The following SLC35E2B variants were observed in gnomAD, a reference collection of about 807,000 sequenced individuals.
SLC35E2B encodes the protein solute carrier family 35, member E2B.
Under a neutral mutation model 32.4 loss-of-function variants are expected in SLC35E2B, and 18 were observed. That is an observed-to-expected ratio of 0.56 (90% CI 0.38 to 0.82). The LOEUF is 0.82. SLC35E2B is among the 40% of genes least tolerant of loss of function. The pLI, the probability that SLC35E2B is intolerant of heterozygous loss-of-function variation, is 0.00. For missense variants in SLC35E2B, 263 were observed against 469.5 expected (o/e 0.56, Z 4.06); for synonymous variants, 132 against 209.1 (o/e 0.63, Z 3.18).
At position 1,665,881 on chromosome 1, in the gene SLC35E2B, G is replaced by T. The variant is rs780556613; in HGVS notation, c.1119C>A (p.His373Gln). Reference sequence around the variant, plus strand: ...CCAGGCTCTGCAGCGCCTCCTGCTGGTGTTGCCTGGCTTTGTTGTAGAGCA... The same window carrying T: ...CCAGGCTCTGCAGCGCCTCCTGCTGTTGTTGCCTGGCTTTGTTGTAGAGCA... Reference protein sequence around the residue: ...GVLLYNKARQHQQEALQSLAA... With the variant: ...GVLLYNKARQQQQEALQSLAA... Residue 373 changes from histidine to glutamine, a missense_variant, in exon 10 of 10, where the codon CAC becomes CAA. This residue lies in a region of SLC35E2B where 78 missense variants were observed against 71.1 expected (regional missense o/e 1.10). Transcript: ENST00000617444. The T allele has an allele frequency of 1.3e-6, 2 of 1,551,148 alleles. No homozygotes were observed. Among genetic ancestry groups the T allele is most frequent in the Non-Finnish European group, 1.7e-6 (2 of 1,146,984 alleles).
intron 2 of SLC35E2B, among the ~76,000 whole-genome samples, chr1:1,683,525 G>A (rs922868146): frequency 3.3e-5 from 5 of 152,116 alleles, no homozygotes; most frequent in African/African-American, 4.8e-5. Flanking sequence ...CTCTCTGGGC[G>A]CCACCCCCTG....
chr1:1,669,559 C>T, intron 8 of SLC35E2B, 105 bp downstream of exon 8: 2 of 1,228,834 alleles, frequency 1.6e-6, no homozygotes, highest in South Asian at 3.2e-5. Flanking sequence ...GGAGCTGGGC[C>T]CAACCAGCCA....
intron 7 of SLC35E2B, 134 bp downstream of exon 7, chr1:1,669,964 G>A: frequency 1.1e-6 from 1 of 914,952 alleles, no homozygotes; most frequent in Non-Finnish European, 1.7e-6. Flanking sequence ...CCCGAGCTTA[G>A]ACAGGGTACT....
At position 1,665,863 on chromosome 1, in the gene SLC35E2B, C is replaced by T. The variant is rs1419245063; in HGVS notation, c.1137G>A (p.Gln379=). ...CCCGGCCAGTGGCTGCAGCCAGGCTCTGCAGCGCCTCCTGCTGGTGTTGCC... is the reference window on the plus strand; with the variant it reads ...CCCGGCCAGTGGCTGCAGCCAGGCTTTGCAGCGCCTCCTGCTGGTGTTGCC... ...KARQHQQEAL[Q]SLAAATGRAP... The change falls in exon 10 of 10, where the codon CAG becomes CAA. Residue 379 remains glutamine, a synonymous_variant. Coordinates refer to ENST00000617444, the MANE Select transcript of SLC35E2B (RefSeq NM_001290264.2). The T allele has an allele frequency of 5.2e-6, 8 of 1,550,886 alleles. No individual in the cohort carries two copies. Among genetic ancestry groups the T allele is most frequent in the Non-Finnish European group, 7.0e-6 (8 of 1,146,996 alleles).
intron 6 of SLC35E2B, chr1:1,670,622 C>G (rs1216051377): frequency 6.5e-6 from 1 of 154,478 alleles, no homozygotes; most frequent in Non-Finnish European, 1.4e-5. Flanking sequence ...GGGGTTTCAC[C>G]ATGTTAGCCA....
Position 1,665,823 on chromosome 1 carries a change from CTG to C in SLC35E2B, c.1175_1176del (p.Thr392SerfsTer26), listed in dbSNP as rs1283842039. The C allele has an allele frequency of 3.2e-6, 5 of 1,550,978 alleles. No homozygotes were observed. In the South Asian group the frequency reaches 4.8e-5, roughly 15 times the overall value. On this transcript the variant is annotated frameshift_variant, in exon 10 of 10. Coordinates refer to ENST00000617444, the MANE Select transcript of SLC35E2B (RefSeq NM_001290264.2). LOFTEE classifies it high-confidence loss of function. ...AAATGRAPDD[T>X]VEPLLPQDPR... ...GGGTCCTGTGGAAGCAGCGGCTCCA[CTG>C]TGTCGTCTGGGGCCCGGCCAGTGGC... is the stretch of plus-strand genomic sequence containing the variant.
At chr1:1,678,832 A>G (rs1222514860) in intron 2 of SLC35E2B, among the ~76,000 whole-genome samples, 1 of 152,116 alleles carries the variant, frequency 6.6e-6, no homozygotes, top group South Asian at 2.1e-4. Context: ...CTGGGCCCTG[A>G]GCCAGGGAGC....
chr1:1,680,037 G>A (rs1014316002), intron 2 of SLC35E2B, among the ~76,000 whole-genome samples: 1 of 151,896 alleles, frequency 6.6e-6, no homozygotes, highest in Non-Finnish European at 1.5e-5. Flanking sequence ...TGAGGCAGGA[G>A]AATCGCTTGA....
chr1:1,667,965 G>A (rs566982992), intron 9 of SLC35E2B, among the ~76,000 whole-genome samples: 1 of 151,136 alleles, frequency 6.6e-6, no homozygotes, highest in African/African-American at 2.4e-5. Context: ...TGATTCTCCT[G>A]CCTCAGCCTC....
intron 2 of SLC35E2B, among the ~76,000 whole-genome samples, chr1:1,688,280 A>C (rs1374127918): frequency 6.6e-6 from 1 of 151,876 alleles, no homozygotes; most frequent in African/African-American, 2.4e-5. Context: ...CACAATCACG[A>C]CGAGTCACCA....
At position 1,663,274 on chromosome 1, in the gene SLC35E2B, A is replaced by C; in HGVS notation, c.*2508T>G. The C allele has an allele frequency of 2.0e-6, 2 of 981,052 alleles. No homozygotes were observed. Among genetic ancestry groups the C allele is most frequent in the Non-Finnish European group, 2.4e-6 (2 of 827,048 alleles). 60.8% of individuals were successfully genotyped at this position (981,052 alleles called of 1,614,324 possible). ...GCAGCTCCTTGTGAGGGTGGAGGGG[A>C]GGGCACCAGATGCTGTGCGGCTGGA... On this transcript the variant is annotated 3_prime_UTR_variant, in exon 10 of 10. Transcript: ENST00000617444.
In SLC35E2B at chr1:1,665,610, C is replaced by T. The variant is rs1234341499; in HGVS notation, c.*172G>A. 7.8e-6 allele frequency: 8 copies of T among 1,030,194 alleles called. No homozygotes were observed. Among genetic ancestry groups the T allele is most frequent in the Middle Eastern group, 3.2e-4 (1 of 3,146 alleles). 63.8% of individuals were successfully genotyped at this position (1,030,194 alleles called of 1,614,324 possible). A position where few individuals can be genotyped will look rare whatever the true frequency, so the allele number is the denominator to read the frequency against. Reference sequence around the variant, plus strand: ...ACTCCAGGAAGCTGATACCTGGAATCCCCAGTTTGAGTTTCTGCTGGTCTT... The same window carrying T: ...ACTCCAGGAAGCTGATACCTGGAATTCCCAGTTTGAGTTTCTGCTGGTCTT... On this transcript the variant is annotated 3_prime_UTR_variant, in exon 10 of 10. Coordinates refer to ENST00000617444, the MANE Select transcript of SLC35E2B (RefSeq NM_001290264.2).
rs781032424 is a variant in SLC35E2B, at chr1:1,671,617, T to C, written c.599A>G (p.Asn200Ser). ...ILGEYTGLLVNLSLIPVMGGL... is the reference protein window; with the variant it reads ...ILGEYTGLLVSLSLIPVMGGL... ...GCCCATGACTGGGATGAGGGAGAGG[T>C]TGACCAGCAGCCCTGGCGAGAGGAC... The change falls in exon 6 of 10, where the codon AAC becomes AGC. Residue 200 changes from asparagine (N) to serine (S), a missense_variant. Asn to Ser is a conservative substitution (Grantham distance 46). Transcript: ENST00000617444. The C allele has an allele frequency of 2.1e-5, 33 of 1,542,792 alleles. No individual in the cohort carries two copies. The highest frequency in any genetic ancestry group is 3.6e-5 in the South Asian group (3 of 82,752).
At chr1:1,689,593 G>A (rs1227205394) in intron 2 of SLC35E2B, among the ~76,000 whole-genome samples, 1 of 151,448 alleles carries the variant, frequency 6.6e-6, no homozygotes, top group East Asian at 1.9e-4. Context: ...TTTGGGGTAG[G>A]ACAATAATTT....
In SLC35E2B at chr1:1,682,379, A is replaced by G. The variant is rs79695104; in HGVS notation, c.-147-5533T>C. Among the ~76,000 whole-genome samples the G allele has an allele frequency of 4.2e-3, 642 of 152,218 alleles. 5 individuals are homozygous for G. Among genetic ancestry groups the G allele is most frequent in the African/African-American group, 0.014 (582 of 41,518 alleles). On this transcript the variant is annotated intron_variant, in intron 2 of 9. Coordinates refer to ENST00000617444, the MANE Select transcript of SLC35E2B (RefSeq NM_001290264.2). ...CAAAGCAAACACCAAAAGAATGCCAACCTACGTGCCTGTCAACAGTAGAAA... is the reference window on the plus strand; with the variant it reads ...CAAAGCAAACACCAAAAGAATGCCAGCCTACGTGCCTGTCAACAGTAGAAA...
At chr1:1,677,388 A>C (rs1643862827) in intron 2 of SLC35E2B, among the ~76,000 whole-genome samples, 1 of 146,990 alleles carries the variant, frequency 6.8e-6, no homozygotes. Flanking sequence ...TGGGTCCTTC[A>C]CGCCCTGCCT....
rs1570305468 is a variant in SLC35E2B, at chr1:1,665,304, C to T, written c.*478G>A. ...GACCCTTCCTTCCAGGGCCCTCTGT[C>T]CCCTCCCTTCGGCCCTGCTCTGTGG... is the stretch of plus-strand genomic sequence containing the variant. On this transcript the variant is annotated 3_prime_UTR_variant, in exon 10 of 10. Transcript: ENST00000617444. 3.0e-6 allele frequency: 1 copy of T among 333,110 alleles called. No homozygotes were observed. Among genetic ancestry groups the T allele is most frequent in the East Asian group, 4.7e-5 (1 of 21,260 alleles). 20.6% of individuals were successfully genotyped at this position (333,110 alleles called of 1,614,324 possible).
intron 7 of SLC35E2B, 56 bp from the exon 8 acceptor site, chr1:1,669,792 G>A (rs1453402517): frequency 1.3e-5 from 19 of 1,519,184 alleles, no homozygotes; most frequent in Admixed American, 7.9e-5. Context: ...GAGTTCACAC[G>A]CAGCTCCCTC....
At chr1:1,679,914 T>C (rs1158744766) in intron 2 of SLC35E2B, among the ~76,000 whole-genome samples, 1 of 150,780 alleles carries the variant, frequency 6.6e-6, no homozygotes, top group Non-Finnish European at 1.5e-5. Flanking sequence ...GGGTGGATCA[T>C]GAGGTCAGGA....
Sources: allele counts gnomAD v4.1 joint callset (sites outside exome capture counted in the v4.1 genomes callset), GRCh38; gene constraint gnomAD v4.1.1; regional missense constraint gnomAD v4.1.1; transcripts MANE v1.5; gene names NCBI Gene and HGNC (gene_info 2026-07-23, HGNC 2026-07-21).